The following ADAM10 variants were observed in gnomAD, a reference collection of about 807,000 sequenced individuals.
ADAM10 encodes ADAM metallopeptidase domain 10, also known as disintegrin and metalloproteinase domain-containing protein 10.
Under a neutral mutation model 90.1 loss-of-function variants are expected in ADAM10, and 17 were observed. The observed-to-expected ratio is 0.19, with a 90% CI of 0.13 to 0.28. The LOEUF (loss-of-function observed/expected upper bound fraction) is 0.28, where lower values mean the gene tolerates loss of function less well. Among genes scored for constraint, ADAM10 ranks in the 10% least tolerant of loss-of-function variants. The pLI is 1.00. For missense variants in ADAM10, 610 were observed against 914.3 expected, an observed-to-expected ratio of 0.67 and a Z score of 4.29; for synonymous variants, 310 against 298.6, an observed-to-expected ratio of 1.04 and a Z score of -0.40.
At chr15:58,727,299 TCCTG>T (rs1256954760) in intron 1 of ADAM10, among the ~76,000 whole-genome samples, 20 of 146,470 alleles carry the variant, frequency 1.4e-4, no homozygotes, top group African/African-American at 4.5e-4. Context: ...CAAGTGATTC[TCCTG>T]CCTAAGCCTC....
intron 2 of ADAM10, chr15:58,698,436 C>CAT (rs1320398645): frequency 6.3e-6 from 2 of 316,436 alleles, no homozygotes; most frequent in Non-Finnish European, 1.2e-5. Context: ...ATTAGCCCAG[C>CAT]ATATTGGCGT....
chr15:58,633,202 T>A lies in ADAM10; in HGVS notation c.1170A>T (p.Gly390=). ...ATAATTAGACAATACTTACTGGGGA[T>A]CCAAAGTTATGTCCAACTTCGTGAG... The part of the protein sequence containing the change: ...TFAHEVGHNF[G]SPHDSGTECT... Residue 390 remains glycine (G), a synonymous_variant, in exon 9 of 16, where the codon GGA becomes GGT. Transcript: ENST00000260408. 2 of 1,611,766 alleles carry A rather than the reference T, an allele frequency of 1.2e-6. No individual in the cohort carries two copies. The highest frequency in any genetic ancestry group is 8.5e-7 in the Non-Finnish European group (1 of 1,177,988).
chr15:58,615,540 C>T (rs1237635003), intron 11 of ADAM10, among the ~76,000 whole-genome samples: 1 of 152,148 alleles, frequency 6.6e-6, no homozygotes, highest in Non-Finnish European at 1.5e-5. Flanking sequence ...CCGGCTCGGC[C>T]TCCCAAACAC....
intron 5 of ADAM10, among the ~76,000 whole-genome samples, chr15:58,648,102 G>C (rs1372709088): frequency 6.6e-6 from 1 of 152,132 alleles, no homozygotes; most frequent in African/African-American, 2.4e-5. Flanking sequence ...TGAAATGATG[G>C]AAATGTTTAT....
intron 1 of ADAM10, chr15:58,748,441 A>T (rs957637265): frequency 6.6e-6 from 1 of 152,498 alleles, no homozygotes; most frequent in African/African-American, 2.4e-5. Flanking sequence ...AAGCTTACCT[A>T]AAATAAAGCA....
chr15:58,630,584 G>T (rs751058520), intron 9 of ADAM10, among the ~76,000 whole-genome samples: 1 of 152,104 alleles, frequency 6.6e-6, no homozygotes, highest in Admixed American at 6.5e-5. Flanking sequence ...TGAGAGACAG[G>T]AACTTTGTCT....
At chr15:58,635,301 A>G (rs1337600336) in intron 8 of ADAM10, among the ~76,000 whole-genome samples, 11 of 150,618 alleles carry the variant, frequency 7.3e-5, no homozygotes, top group African/African-American at 2.4e-4. Flanking sequence ...AAAGAAAGAA[A>G]GAAAGAAAAT....
Position 58,651,454 on chromosome 15 carries a change from C to T in ADAM10, c.586-5250G>A, listed in dbSNP as rs531346338. 5.9e-5 allele frequency among the ~76,000 whole-genome samples: 9 copies of T among 152,250 alleles called. No homozygotes were observed. The South Asian group carries it at 1.9e-3, about 32-fold the overall frequency. ...GTAACCATCCTTCTACTCTCTATCT[C>T]CATGAGTTAAATTGTTTTAATTTTT... On this transcript the variant is annotated intron_variant, in intron 5 of 15. Coordinates refer to ENST00000260408, the MANE Select transcript of ADAM10 (RefSeq NM_001110.4).
chr15:58,675,412 GA>G (rs1347752586), intron 4 of ADAM10, among the ~76,000 whole-genome samples: 1 of 152,122 alleles, frequency 6.6e-6, no homozygotes, highest in African/African-American at 2.4e-5. Context: ...AGGTGTAAGG[GA>G]ATTATTGCAA....
rs181987035 is a variant in ADAM10, at chr15:58,671,007, A to G, written c.485-5810T>C. Among the ~76,000 whole-genome samples the G allele has an allele frequency of 3.9e-3, 600 of 152,256 alleles. 4 individuals carry two copies. Among genetic ancestry groups the G allele is most frequent in the African/African-American group, 0.013 (536 of 41,556 alleles). ...TATAAGGTTATAAAGCTATTCTAAC[A>G]TATCACCTTGATTTCATTTCTAACT... On this transcript the variant is annotated intron_variant, in intron 4 of 15. Transcript: ENST00000260408.
intron 2 of ADAM10, among the ~76,000 whole-genome samples, chr15:58,697,676 C>T (rs1158096013): frequency 6.6e-6 from 1 of 152,116 alleles, no homozygotes; most frequent in Non-Finnish European, 1.5e-5. Context: ...ATACGCTGCC[C>T]AGGAGCCTGA....
Position 58,596,119 on chromosome 15 carries a change from A to G in ADAM10, c.*1428T>C, listed in dbSNP as rs1327172890. The G allele has an allele frequency of 1.3e-5, 2 of 151,792 alleles. No individual in the cohort carries two copies. The highest frequency in any genetic ancestry group is 2.9e-5 in the Non-Finnish European group (2 of 67,934). 9.4% of individuals were successfully genotyped at this position (151,792 alleles called of 1,614,324 possible). A position where few individuals can be genotyped will look rare whatever the true frequency, so the allele number is the denominator to read the frequency against. ...AAAAGGAAAAAAAAAAACCCAAAACATAGAAATCTTTACAACTTTCTCTAA... is the reference window on the plus strand; with the variant it reads ...AAAAGGAAAAAAAAAAACCCAAAACGTAGAAATCTTTACAACTTTCTCTAA... On this transcript the variant is annotated 3_prime_UTR_variant, in exon 16 of 16. Coordinates refer to ENST00000260408, the MANE Select transcript of ADAM10 (RefSeq NM_001110.4).
chr15:58,646,283 A>T, intron 5 of ADAM10, 79 bp from the exon 6 acceptor site: 1 of 1,396,402 alleles, frequency 7.2e-7, no homozygotes, highest in Non-Finnish European at 9.8e-7. Context: ...ACATACTATA[A>T]ACAATTTCAT....
At chr15:58,609,163 C>A (rs1350005392) in intron 14 of ADAM10, 2 of 152,096 alleles carry the variant, frequency 1.3e-5, no homozygotes, top group Admixed American at 6.6e-5. Context: ...CAGAAGACAA[C>A]TTCAGTTTGA....
At chr15:58,673,739 CT>C (rs541236955) in intron 4 of ADAM10, among the ~76,000 whole-genome samples, 28 of 147,424 alleles carry the variant, frequency 1.9e-4, no homozygotes, top group Admixed American at 2.7e-4. Context: ...CTTTCTCTCT[CT>C]TTTTTTTTTT....
At chr15:58,652,685 G>C (rs1253556422) in intron 5 of ADAM10, among the ~76,000 whole-genome samples, 2 of 152,046 alleles carry the variant, frequency 1.3e-5, no homozygotes, top group African/African-American at 2.4e-5. Context: ...CTCCAATTTT[G>C]TTCTTTTTCC....
intron 5 of ADAM10, among the ~76,000 whole-genome samples, chr15:58,663,353 C>T (rs977191929): frequency 6.6e-6 from 1 of 152,180 alleles, no homozygotes; most frequent in Admixed American, 6.5e-5. Context: ...GATTGCATCT[C>T]TACCACATAA....
chr15:58,599,736 CAG>C lies in ADAM10; in HGVS notation c.2026-14_2026-13del. On this transcript the variant is annotated splice_polypyrimidine_tract_variant and intron_variant, in intron 14 of 15. Transcript: ENST00000260408. Reference sequence around the variant, plus strand: ...GCCCACCAATGAGCCTAGAAATAAACAGATTTTTCCACTGAAAAAAAAAAAAC... The same window carrying C: ...GCCCACCAATGAGCCTAGAAATAAACATTTTTCCACTGAAAAAAAAAAAAC... The C allele has an allele frequency of 6.3e-7, 1 of 1,581,926 alleles. No homozygotes were observed.
At chr15:58,721,519 C>T (rs1210245471) in intron 1 of ADAM10, among the ~76,000 whole-genome samples, 1 of 152,054 alleles carries the variant, frequency 6.6e-6, no homozygotes, top group Non-Finnish European at 1.5e-5. Flanking sequence ...AATAAGGGGG[C>T]CATGGGTAGA....
Sources: gnomAD v4.1 joint callset for allele counts (sites outside exome capture counted in the v4.1 genomes callset) on GRCh38, gnomAD v4.1.1 for gene constraint, MANE v1.5 for transcripts, NCBI Gene and HGNC (gene_info 2026-07-23, HGNC 2026-07-21) for gene names.